Variants in PWWP3B observed in about 807,000 individuals in gnomAD.
The protein encoded by PWWP3B is PWWP domain containing 3B.
PWWP3B carries 5 observed loss-of-function variants against 15.7 expected under a neutral mutation model. The ratio of observed to expected loss-of-function variants is 0.32; its 90% CI spans 0.17 to 0.67. PWWP3B has a LOEUF of 0.67. PWWP3B is among the 30% of genes least tolerant of loss of function. PWWP3B has a pLI of 0.74. For missense variants in PWWP3B, 519 were observed against 493.1 expected, an observed-to-expected ratio of 1.05 and a Z score of -0.50; for synonymous variants, 203 against 179.8, an observed-to-expected ratio of 1.13 and a Z score of -1.03.
At chrX:106,199,660 A>G (rs1031999026) in intron 2 of PWWP3B, among the ~76,000 whole-genome samples, 1 of 111,395 alleles carries the variant, frequency 9.0e-6, no homozygotes, top group Non-Finnish European at 1.9e-5. Flanking sequence ...ATCCCCCTTT[A>G]GAGATGCCTT....
intron 1 of PWWP3B, among the ~76,000 whole-genome samples, chrX:106,170,035 C>A (rs1218872417): frequency 8.1e-5 from 9 of 111,603 alleles, no homozygotes; most frequent in African/African-American, 2.9e-4. Flanking sequence ...AATATTTTAA[C>A]CTTCTATGTA....
At chrX:106,199,061 T>C (rs1465621001) in intron 2 of PWWP3B, among the ~76,000 whole-genome samples, 1 of 106,701 alleles carries the variant, frequency 9.4e-6, no homozygotes, top group African/African-American at 3.4e-5. Context: ...TTTTTTTTTT[T>C]TTTTTGAGAC....
At chrX:106,175,236 CTTTTTTT>C (rs1218589426) in intron 2 of PWWP3B, among the ~76,000 whole-genome samples, 1 of 73,143 alleles carries the variant, frequency 1.4e-5, no homozygotes, top group Non-Finnish European at 2.6e-5. Context: ...GGGGTTATTT[CTTTTTTT>C]TTTTTTTTTT....
intron 2 of PWWP3B, among the ~76,000 whole-genome samples, chrX:106,184,027 C>T (rs887957378): frequency 3.6e-5 from 4 of 111,793 alleles, no homozygotes; most frequent in East Asian, 2.8e-4. Context: ...CAAGCCCTAC[C>T]GGGTGATTGG....
intron 2 of PWWP3B, among the ~76,000 whole-genome samples, chrX:106,189,916 G>T (rs184056352): frequency 0.01 from 993 of 96,696 alleles, 14 homozygotes; most frequent in African/African-American, 0.037. Context: ...CGCGCCCGGC[G>T]CCACATTTTC....
In PWWP3B at chrX:106,172,264, A is replaced by T. The variant is rs1453187436; in HGVS notation, c.-401+1125A>T. On this transcript the variant is annotated intron_variant, in intron 2 of 3. Transcript: ENST00000357175. ...CTACACTAAATTTATAAAAAAAAAT[A>T]TTTTTTTAATAATAAATTAACCTTA... 5.5e-5 allele frequency among the ~76,000 whole-genome samples: 6 copies of T among 109,899 alleles called. No homozygotes were observed. In the Admixed American group the frequency reaches 5.9e-4, roughly 11 times the overall value.
At chrX:106,190,090 C>T (rs1922820272) in intron 2 of PWWP3B, among the ~76,000 whole-genome samples, 1 of 111,215 alleles carries the variant, frequency 9.0e-6, no homozygotes, top group African/African-American at 3.3e-5. Context: ...AATGGTATTT[C>T]TAGTTCTAGA....
rs749479826 is a variant in PWWP3B at position 106,190,374 on chromosome X, G to C, written c.-400-13611G>C. 4.5e-4 allele frequency among the ~76,000 whole-genome samples: 50 copies of C among 111,624 alleles called. No homozygotes were observed. In the South Asian group the frequency reaches 4.5e-3, roughly 10 times the overall value. Reference sequence around the variant, plus strand: ...GAAGTGTCTGTTCATATCATTCGCCGACTTTTTGATGGGGTTGTTTGTTTT... The same window carrying C: ...GAAGTGTCTGTTCATATCATTCGCCCACTTTTTGATGGGGTTGTTTGTTTT... On this transcript the variant is annotated intron_variant, in intron 2 of 3. Coordinates refer to ENST00000357175, the MANE Select transcript of PWWP3B (RefSeq NM_001171020.2).
chrX:106,179,052 C>A (rs1430629564), intron 2 of PWWP3B, among the ~76,000 whole-genome samples: 1 of 111,981 alleles, frequency 8.9e-6, no homozygotes. Flanking sequence ...TTTCTCGTCA[C>A]AAGATGGTGC....
chrX:106,184,859 G>A (rs1192397075), intron 2 of PWWP3B, among the ~76,000 whole-genome samples: 5 of 111,043 alleles, frequency 4.5e-5, no homozygotes, highest in African/African-American at 1.3e-4. Flanking sequence ...GGACATAACC[G>A]ATAGCCCAGG....
At chrX:106,174,698 C>T (rs889471485) in intron 2 of PWWP3B, among the ~76,000 whole-genome samples, 1 of 111,979 alleles carries the variant, frequency 8.9e-6, no homozygotes, top group African/African-American at 3.2e-5. Flanking sequence ...AAAGAGACTT[C>T]TCATAACTGA....
rs988284797 is a variant in PWWP3B, at chrX:106,205,462, G to C, written c.30G>C (p.Trp10Cys). The change falls in exon 4 of 4, where the codon TGG becomes TGC. Residue 10 changes from tryptophan (W) to cysteine (C), a missense_variant. Trp to Cys is a radical substitution (Grantham distance 215, BLOSUM62 -2). Coordinates refer to ENST00000357175, the MANE Select transcript of PWWP3B (RefSeq NM_001171020.2). ...AGTCTGAGTATGTCCTATGCAACTGGAAAGACCAGTTGTGGCCAGCAAAAG... is the reference window on the plus strand; with the variant it reads ...AGTCTGAGTATGTCCTATGCAACTGCAAAGACCAGTTGTGGCCAGCAAAAG... MESEYVLCN[W>C]KDQLWPAKVL... 6.8e-6 allele frequency: 8 copies of C among 1,179,752 alleles called. No individual in the cohort carries two copies. The African/African-American group carries it at 1.4e-4, about 21-fold the overall frequency.
chrX:106,186,820 T>C (rs1402683415), intron 2 of PWWP3B, among the ~76,000 whole-genome samples: 1 of 111,733 alleles, frequency 8.9e-6, no homozygotes, highest in East Asian at 2.8e-4. Flanking sequence ...ATCCTGCTGA[T>C]TGGTCCATTT....
intron 2 of PWWP3B, among the ~76,000 whole-genome samples, chrX:106,194,855 G>A (rs1290292181): frequency 9.0e-6 from 1 of 111,667 alleles, no homozygotes; most frequent in Admixed American, 9.5e-5. Context: ...GCAGAACAGC[G>A]GATATTGGTG....
At chrX:106,169,332 T>C (rs1424513988) in intron 1 of PWWP3B, among the ~76,000 whole-genome samples, 1 of 111,924 alleles carries the variant, frequency 8.9e-6, no homozygotes, top group Non-Finnish European at 1.9e-5. Flanking sequence ...ATGTATGTGA[T>C]GAGGAAAAAA....
In PWWP3B at chrX:106,206,019, T is replaced by A; in HGVS notation, c.587T>A (p.Phe196Tyr). Residue 196 changes from phenylalanine to tyrosine, a missense_variant, in exon 4 of 4, where the codon TTC (phenylalanine) becomes TAC (tyrosine). Transcript: ENST00000357175. ...CAAAACTCTAGCTGGTGCGAGACTTTCCCTTCACTTTCGGAAGATAATGAT... is the reference window on the plus strand; with the variant it reads ...CAAAACTCTAGCTGGTGCGAGACTTACCCTTCACTTTCGGAAGATAATGAT... ...SLQNSSWCET[F>Y]PSLSEDNDEK... is the part of the protein sequence containing the mutation. The A allele has an allele frequency of 8.3e-7, 1 of 1,209,188 alleles. No homozygotes were observed. The highest frequency in any genetic ancestry group is 1.1e-6 in the Non-Finnish European group (1 of 894,005).
rs1471505385 is a variant in PWWP3B, at chrX:106,190,805, G to C, written c.-400-13180G>C. Among the ~76,000 whole-genome samples, 138 of 111,447 alleles carry C rather than the reference G, an allele frequency of 1.2e-3. 1 individual carries two copies. Among genetic ancestry groups the C allele is most frequent in the African/African-American group, 3.9e-3 (119 of 30,690 alleles). On this transcript the variant is annotated intron_variant, in intron 2 of 3. Coordinates refer to ENST00000357175, the MANE Select transcript of PWWP3B (RefSeq NM_001171020.2). ...AGCACTGTTTATTAAATAGGGAATC[G>C]TTTCCCCATTGCTTGTTTTTCTCAG...
intron 2 of PWWP3B, among the ~76,000 whole-genome samples, chrX:106,171,899 C>G (rs1344467600): frequency 9.0e-6 from 1 of 110,933 alleles, no homozygotes; most frequent in Non-Finnish European, 1.9e-5. Flanking sequence ...TGGAATACCT[C>G]CTGAAAGACC....
intron 2 of PWWP3B, among the ~76,000 whole-genome samples, chrX:106,198,427 CATT>C (rs201057346): frequency 0.014 from 1,541 of 111,651 alleles, 23 homozygotes; most frequent in African/African-American, 0.047. Flanking sequence ...CTTCTATCAT[CATT>C]GTCATTATTA....
Sources: allele counts gnomAD v4.1 joint callset (sites outside exome capture counted in the v4.1 genomes callset), GRCh38; gene constraint gnomAD v4.1.1; transcripts MANE v1.5; gene names NCBI Gene and HGNC (gene_info 2026-07-23, HGNC 2026-07-21).